UNC13C: variants seen among roughly 807,000 people sequenced by gnomAD.
UNC13C encodes the protein protein unc-13 homolog C.
Under a neutral mutation model 245.4 loss-of-function variants are expected in UNC13C, and 174 were observed. The ratio of observed to expected loss-of-function variants is 0.71; its 90% CI spans 0.63 to 0.80. The LOEUF is 0.80. Among genes scored for constraint, UNC13C ranks in the 30% least tolerant of loss-of-function variants. UNC13C has a pLI of 0.00. For synonymous variants in UNC13C, 992 were observed against 895.1 expected, an observed-to-expected ratio of 1.11 and a Z score of -1.93; for missense variants, 2,829 against 2,602.9, an observed-to-expected ratio of 1.09 and a Z score of -1.89.
chr15:54,321,806 A>G (rs779111071), intron 13 of UNC13C, 133 bp from the exon 14 acceptor site: 10 of 945,486 alleles, frequency 1.1e-5, no homozygotes, highest in Non-Finnish European at 1.2e-5. Context: ...TTTTCTTTCA[A>G]TTAGAGATTG....
At chr15:54,386,390 T>C (rs2039838134) in intron 17 of UNC13C, among the ~76,000 whole-genome samples, 1 of 152,162 alleles carries the variant, frequency 6.6e-6, no homozygotes, top group African/African-American at 2.4e-5. Flanking sequence ...GGCAGGGAAG[T>C]GGAAAAGCCT....
At chr15:54,267,432 A>G (rs749805440) in intron 10 of UNC13C, among the ~76,000 whole-genome samples, 11 of 152,194 alleles carry the variant, frequency 7.2e-5, no homozygotes, top group Admixed American at 2.0e-4. Context: ...TTGATTAACT[A>G]TGGTATTAGC....
At chr15:53,993,673 T>C (rs764388789) in intron 1 of UNC13C, among the ~76,000 whole-genome samples, 2 of 152,112 alleles carry the variant, frequency 1.3e-5, no homozygotes, top group Non-Finnish European at 2.9e-5. Context: ...CACAAAAGTT[T>C]ACTCAGAGGA....
chr15:54,354,875 A>T (rs528802366), intron 17 of UNC13C, among the ~76,000 whole-genome samples: 2 of 152,326 alleles, frequency 1.3e-5, no homozygotes, highest in South Asian at 4.1e-4. Flanking sequence ...ATAATCCCCG[A>T]TGTGGCAGTA....
At chr15:54,364,329 A>G (rs899569952) in intron 17 of UNC13C, among the ~76,000 whole-genome samples, 1 of 152,144 alleles carries the variant, frequency 6.6e-6, no homozygotes, top group Non-Finnish European at 1.5e-5. Flanking sequence ...TTGCATGAAA[A>G]TAGCTTAATT....
the UNC13C span, among the ~76,000 whole-genome samples, chr15:53,889,576 C>A: frequency 6.6e-6 from 1 of 152,190 alleles, no homozygotes; most frequent in Non-Finnish European, 1.5e-5. Context: ...CTGGCCAGAA[C>A]TTCCAATACT....
rs79378924 is a variant in UNC13C, at chr15:54,397,104, T to C, written c.4847+3923T>C. 8.8e-3 allele frequency among the ~76,000 whole-genome samples: 1,337 copies of C among 151,646 alleles called. 25 individuals are homozygous for C. The highest frequency in any genetic ancestry group is 0.031 in the African/African-American group (1,269 of 41,510). On this transcript the variant is annotated intron_variant, in intron 18 of 32. Transcript: ENST00000260323. ...TTTTAAAAAAATTCTATTTTAGAAA[T>C]CTTTGCAATCTGCACAGTCAGCTTG...
At chr15:54,589,341 C>A (rs138722636) in intron 30 of UNC13C, among the ~76,000 whole-genome samples, 1 of 123,574 alleles carries the variant, frequency 8.1e-6, no homozygotes, top group Non-Finnish European at 1.6e-5. Context: ...CTCTGTCACC[C>A]AGGCTGGAGT....
Position 54,522,319 on chromosome 15 carries a change from A to AT in UNC13C, c.5458-3230_5458-3229insT, listed in dbSNP as rs1404969614. The stretch of plus-strand genomic sequence containing the variant: ...AACCCCATCTCTACTAAAAATACAA[A>AT]AAAAAAAAAAAAGCTGGACATGGTG... On this transcript the variant is annotated intron_variant, in intron 24 of 32. Transcript: ENST00000260323. Among the ~76,000 whole-genome samples, 4 of 151,138 alleles carry AT rather than the reference A, an allele frequency of 2.6e-5. No individual in the cohort carries two copies. The East Asian group carries it at 7.8e-4, about 30-fold the overall frequency.
chr15:54,309,609 T>G (rs2037815818), intron 13 of UNC13C, among the ~76,000 whole-genome samples: 1 of 151,918 alleles, frequency 6.6e-6, no homozygotes, highest in Non-Finnish European at 1.5e-5. Context: ...TTCCTCTATG[T>G]TTTCTTCTAG....
At chr15:54,458,727 C>T (rs1003918093) in intron 19 of UNC13C, among the ~76,000 whole-genome samples, 2 of 115,892 alleles carry the variant, frequency 1.7e-5, no homozygotes, top group Non-Finnish European at 3.3e-5. Flanking sequence ...CTCCTGCTCA[C>T]TTTTGGATTC....
intron 4 of UNC13C, among the ~76,000 whole-genome samples, chr15:54,190,749 T>A (rs2034155281): frequency 6.6e-6 from 1 of 152,094 alleles, no homozygotes; most frequent in South Asian, 2.1e-4. Context: ...TGTGTATTTA[T>A]ATATAATAGA....
rs967036557 is a variant in UNC13C, at chr15:54,603,919, C to CT, written c.6107-18399dup. 7.3e-5 allele frequency among the ~76,000 whole-genome samples: 11 copies of CT among 151,556 alleles called. No homozygotes were observed. The East Asian group carries it at 7.7e-4, about 11-fold the overall frequency. ...AAGCTTACACCTGAGCACGGCTTTT[C>CT]TTTTTTTTTCCTCCTACCTGACTGA... On this transcript the variant is annotated intron_variant, in intron 30 of 32. Transcript: ENST00000260323.
the UNC13C span, among the ~76,000 whole-genome samples, chr15:53,910,458 A>G: frequency 1.4e-5 from 2 of 146,622 alleles, no homozygotes; most frequent in Admixed American, 7.0e-5. Flanking sequence ...TGTAAAAGGT[A>G]TAACTGCCCT....
Position 54,264,391 on chromosome 15 carries a change from T to G in UNC13C, c.3672T>G (p.Ile1224Met), listed in dbSNP as rs1252422647. The G allele has an allele frequency of 6.3e-7, 1 of 1,580,792 alleles. No homozygotes were observed. Among genetic ancestry groups the G allele is most frequent in the Non-Finnish European group, 8.6e-7 (1 of 1,161,908 alleles). The change falls in exon 9 of 33, where the codon ATT (isoleucine) becomes ATG (methionine). Residue 1224 changes from isoleucine to methionine, a missense_variant. Ile to Met is a conservative substitution (Grantham distance 10). Coordinates refer to ENST00000260323, the MANE Select transcript of UNC13C (RefSeq NM_001080534.3). ...CTAAGTGGTCTGCAAAAATAACCAT[T>G]ACAGGTAAAAATAAGTCTTCTTAAA... ...GTSKWSAKITITVVSAQGLQA... is the reference protein window; with the variant it reads ...GTSKWSAKITMTVVSAQGLQA...
intron 30 of UNC13C, among the ~76,000 whole-genome samples, chr15:54,575,717 C>A (rs1392781223): frequency 6.6e-6 from 1 of 152,216 alleles, no homozygotes; most frequent in Non-Finnish European, 1.5e-5. Flanking sequence ...GAAGTTATTT[C>A]TCATATTGGC....
At chr15:53,904,380 A>G in the UNC13C span, among the ~76,000 whole-genome samples, 1 of 152,214 alleles carries the variant, frequency 6.6e-6, no homozygotes, top group Non-Finnish European at 1.5e-5. Flanking sequence ...TTTGTAATAC[A>G]AATATTATAA....
chr15:54,162,665 C>G (rs2141269475), intron 4 of UNC13C, among the ~76,000 whole-genome samples: 1 of 152,274 alleles, frequency 6.6e-6, no homozygotes, highest in South Asian at 2.1e-4. Flanking sequence ...GAAAGATTTC[C>G]TGGAACTTTC....
At chr15:53,848,130 T>C in the UNC13C span, among the ~76,000 whole-genome samples, 1 of 152,048 alleles carries the variant, frequency 6.6e-6, no homozygotes, top group Non-Finnish European at 1.5e-5. Context: ...TAACTAGTGG[T>C]TTATAATTTA....
Sources: allele counts gnomAD v4.1 joint callset (sites outside exome capture counted in the v4.1 genomes callset), GRCh38; gene constraint gnomAD v4.1.1; transcripts MANE v1.5; gene names NCBI Gene and HGNC (gene_info 2026-07-23, HGNC 2026-07-21).